The following KAZN variants were observed in gnomAD, a reference collection of about 807,000 sequenced individuals.
The protein encoded by KAZN is kazrin.
KAZN carries 40 observed loss-of-function variants against 87.4 expected under a neutral mutation model. That is an observed-to-expected ratio of 0.46 (90% CI 0.36 to 0.60). KAZN has a LOEUF of 0.60. KAZN is among the 20% of genes least tolerant of loss of function. KAZN has a pLI of 0.00. For synonymous variants in KAZN, 466 were observed against 458.3 expected, an observed-to-expected ratio of 1.02 and a Z score of -0.22; for missense variants, 898 against 1,073.9, an observed-to-expected ratio of 0.84 and a Z score of 2.29.
At chr1:13,951,764 C>G (rs1477176590) in intron 1 of KAZN, among the ~76,000 whole-genome samples, 1 of 152,128 alleles carries the variant, frequency 6.6e-6, no homozygotes, top group Non-Finnish European at 1.5e-5. Flanking sequence ...TTGTGTTTCT[C>G]TAAGTCCAGG....
chr1:14,997,386 A>G (rs1668006507), intron 2 of KAZN, among the ~76,000 whole-genome samples: 1 of 151,888 alleles, frequency 6.6e-6, no homozygotes, highest in African/African-American at 2.4e-5. Context: ...GATTACAGGC[A>G]TGCGTCACCA....
At chr1:14,953,825 G>A (rs1404890879) in intron 1 of KAZN, among the ~76,000 whole-genome samples, 1 of 152,162 alleles carries the variant, frequency 6.6e-6, no homozygotes, top group Non-Finnish European at 1.5e-5. Flanking sequence ...AGTGGAGAAA[G>A]GTGGAGAAAG....
At chr1:14,674,698 G>A (rs1301384409) in intron 1 of KAZN, among the ~76,000 whole-genome samples, 2 of 152,232 alleles carry the variant, frequency 1.3e-5, no homozygotes, top group Admixed American at 1.3e-4. Context: ...GTAGCTGAAA[G>A]TAGACAGAGA....
intron 2 of KAZN, among the ~76,000 whole-genome samples, chr1:14,204,654 G>A (rs921405290): frequency 1.2e-4 from 19 of 152,182 alleles, no homozygotes; most frequent in Non-Finnish European, 2.4e-4. Context: ...GGTGACAAAT[G>A]TAAAGAATGG....
intron 1 of KAZN, among the ~76,000 whole-genome samples, chr1:14,922,715 C>T (rs1557624021): frequency 6.6e-6 from 1 of 150,756 alleles, no homozygotes; most frequent in Admixed American, 6.6e-5. Flanking sequence ...TCGCTTGAAC[C>T]CGGGAGGCGG....
chr1:14,469,806 C>T (rs1056670392), intron 2 of KAZN, among the ~76,000 whole-genome samples: 4 of 152,184 alleles, frequency 2.6e-5, no homozygotes, highest in South Asian at 2.1e-4. Flanking sequence ...CCTTGCACTA[C>T]GAATATCCCT....
At chr1:14,613,309 T>C (rs753390957) in intron 1 of KAZN, among the ~76,000 whole-genome samples, 10 of 152,200 alleles carry the variant, frequency 6.6e-5, no homozygotes, top group Non-Finnish European at 1.3e-4. Flanking sequence ...AAACAGATAG[T>C]ATGCCGCAAA....
At chr1:14,250,285 A>G (rs1409423815) in intron 2 of KAZN, among the ~76,000 whole-genome samples, 1 of 152,066 alleles carries the variant, frequency 6.6e-6, no homozygotes, top group Non-Finnish European at 1.5e-5. Context: ...ATAATACAAT[A>G]TAAAGCCCCC....
chr1:14,741,539 T>C (rs1644098500), intron 1 of KAZN, among the ~76,000 whole-genome samples: 1 of 152,222 alleles, frequency 6.6e-6, no homozygotes, highest in Non-Finnish European at 1.5e-5. Flanking sequence ...GCACAACTAT[T>C]TACATATTGA....
At position 14,609,489 on chromosome 1, in the gene KAZN, A is replaced by G. The variant is rs74057894; in HGVS notation, c.226+10266A>G. On this transcript the variant is annotated intron_variant, in intron 1 of 14. Coordinates refer to ENST00000376030, the MANE Select transcript of KAZN (RefSeq NM_201628.3). The stretch of plus-strand genomic sequence containing the variant: ...TGTTTAAACTCGGCTGATCAACACC[A>G]CAGTTGGTTCTACCATGAGTCAACT... 5.1e-3 allele frequency among the ~76,000 whole-genome samples: 784 copies of G among 152,364 alleles called. 6 individuals carry two copies. The highest frequency in any genetic ancestry group is 0.018 in the African/African-American group (754 of 41,588).
At chr1:14,055,978 C>A (rs1160895536) in intron 1 of KAZN, among the ~76,000 whole-genome samples, 1 of 152,176 alleles carries the variant, frequency 6.6e-6, no homozygotes, top group Non-Finnish European at 1.5e-5. Context: ...AGCTAGCCTA[C>A]CCTCTACCCC....
intron 1 of KAZN, among the ~76,000 whole-genome samples, chr1:14,741,150 C>T (rs553612265): frequency 3.3e-5 from 5 of 152,320 alleles, no homozygotes; most frequent in African/African-American, 7.2e-5. Context: ...GCTCTGCATC[C>T]GAGGCCTGAA....
At chr1:14,683,441 G>A (rs2871581) in intron 1 of KAZN, among the ~76,000 whole-genome samples, 75,206 of 151,896 alleles carry the variant, frequency 0.5, 18,805 homozygotes, top group South Asian at 0.62. Context: ...CTCAACTCAA[G>A]ATGCTATTAG....
At chr1:14,105,403 C>T (rs115783566) in intron 1 of KAZN, among the ~76,000 whole-genome samples, 64 of 152,210 alleles carry the variant, frequency 4.2e-4, no homozygotes, top group African/African-American at 1.5e-3. Context: ...ATGCAAAGGC[C>T]CTGGGGTGGA....
chr1:14,123,981 T>G (rs1570793824), intron 1 of KAZN, among the ~76,000 whole-genome samples: 1 of 152,260 alleles, frequency 6.6e-6, no homozygotes, highest in East Asian at 1.9e-4. Context: ...GGAGGCTCCT[T>G]CCCAATAGGA....
At chr1:14,538,919 C>T (rs1437778048) in intron 2 of KAZN, among the ~76,000 whole-genome samples, 1 of 152,190 alleles carries the variant, frequency 6.6e-6, no homozygotes, top group Non-Finnish European at 1.5e-5. Flanking sequence ...GTGCCCCTTG[C>T]TGGCCAGGAA....
At chr1:14,277,949 C>A (rs1455400675) in intron 2 of KAZN, among the ~76,000 whole-genome samples, 1 of 151,912 alleles carries the variant, frequency 6.6e-6, no homozygotes, top group Admixed American at 6.6e-5. Flanking sequence ...AAAGATGTTC[C>A]CTTCCCTCTC....
At chr1:14,661,577 G>A (rs768907386) in intron 1 of KAZN, among the ~76,000 whole-genome samples, 13 of 150,726 alleles carry the variant, frequency 8.6e-5, no homozygotes, top group Non-Finnish European at 1.5e-4. Context: ...GTGGTGGGCC[G>A]TAGTTTGCTG....
intron 1 of KAZN, among the ~76,000 whole-genome samples, chr1:14,799,247 C>T (rs1181679480): frequency 6.6e-6 from 1 of 152,206 alleles, no homozygotes; most frequent in Non-Finnish European, 1.5e-5. Flanking sequence ...AGGATGTGTT[C>T]AGAATGGATG....
Sources: gnomAD v4.1 joint callset for allele counts (sites outside exome capture counted in the v4.1 genomes callset) on GRCh38, gnomAD v4.1.1 for gene constraint, MANE v1.5 for transcripts, NCBI Gene and HGNC (gene_info 2026-07-23, HGNC 2026-07-21) for gene names.